AHNAK: variants seen among roughly 807,000 people sequenced by gnomAD.
AHNAK encodes the protein AHNAK nucleoprotein.
AHNAK carries 23 observed loss-of-function variants against 37.8 expected under a neutral mutation model. The observed-to-expected ratio is 0.61, with a 90% CI of 0.44 to 0.86. The LOEUF (loss-of-function observed/expected upper bound fraction) is 0.86. Among genes scored for constraint, AHNAK ranks in the 40% least tolerant of loss-of-function variants. The pLI is 0.00. For synonymous variants in AHNAK, 2,481 were observed against 2,636.3 expected (o/e 0.94, Z 1.80); for missense variants, 7,411 against 7,319.4 (o/e 1.01, Z -0.46).
intron 4 of AHNAK, among the ~76,000 whole-genome samples, chr11:62,496,991 G>C (rs899793070): frequency 6.6e-6 from 1 of 152,172 alleles, no homozygotes. Context: ...GAATTAAATG[G>C]TATAAAATAT....
Position 62,450,943 on chromosome 11 carries a change from C to T in AHNAK, c.443-17052G>A, listed in dbSNP as rs1263521366. ...GGAAGAGGCTGGACGTGGTGGCTCA[C>T]GCCTGTAATCGCGGCACTTTGGGAG... On this transcript the variant is annotated intron_variant, in intron 5 of 5. Coordinates refer to the AHNAK transcript ENST00000257247. 2.0e-5 allele frequency among the ~76,000 whole-genome samples: 3 copies of T among 152,306 alleles called. 1 individual carries two copies. Among genetic ancestry groups the T allele is most frequent in the Non-Finnish European group, 1.5e-5 (1 of 68,022 alleles).
chr11:62,492,050 T>C (rs747308610), intron 4 of AHNAK, among the ~76,000 whole-genome samples: 2 of 152,066 alleles, frequency 1.3e-5, no homozygotes, highest in Non-Finnish European at 2.9e-5. Context: ...TGGCCTAAGC[T>C]GAAGGACAGC....
chr11:62,483,292 G>T (rs1220487751), intron 5 of AHNAK, among the ~76,000 whole-genome samples: 1 of 152,208 alleles, frequency 6.6e-6, no homozygotes, highest in Non-Finnish European at 1.5e-5. Context: ...GGAGTCGGGG[G>T]CCACTCAGCC....
intron 5 of AHNAK, among the ~76,000 whole-genome samples, chr11:62,456,521 T>C (rs1403570638): frequency 6.6e-6 from 1 of 152,220 alleles, no homozygotes; most frequent in Non-Finnish European, 1.5e-5. Flanking sequence ...GATACATGAC[T>C]GAGATTTCAA....
intron 5 of AHNAK, among the ~76,000 whole-genome samples, chr11:62,442,817 G>A (rs182230354): frequency 7.4e-4 from 112 of 151,570 alleles, no homozygotes; most frequent in African/African-American, 2.3e-3. Flanking sequence ...GCAGTAAGCC[G>A]AGATTGTGCC....
intron 5 of AHNAK, among the ~76,000 whole-genome samples, chr11:62,447,389 A>T (rs1383898029): frequency 6.6e-6 from 1 of 152,096 alleles, no homozygotes; most frequent in African/African-American, 2.4e-5. Context: ...CGATCCCTCC[A>T]TCATCACCAC....
rs1940831532 is a variant in AHNAK at position 62,533,394 on chromosome 11, C to T, written c.1023G>A (p.Lys341=). 4 of 1,599,404 alleles carry T rather than the reference C, an allele frequency of 2.5e-6. No individual in the cohort carries two copies. The highest frequency in any genetic ancestry group is 1.7e-4 in the Middle Eastern group (1 of 5,978). Residue 341 remains lysine (K), a synonymous_variant, in exon 5 of 5, where the codon AAG becomes AAA. Transcript: ENST00000378024. The part of the protein sequence containing the change: ...VSAPEVSVGH[K]GGKPGLTIQA... ...GGATAGTCAAGCCTGGCTTGCCGCC[C>T]TTGTGCCCCACAGAGACTTCAGGTG... is the stretch of plus-strand genomic sequence containing the variant.
chr11:62,460,987 A>AT (rs58443970), intron 5 of AHNAK, among the ~76,000 whole-genome samples: 65,640 of 103,628 alleles, frequency 0.63, 23,206 homozygotes, highest in South Asian at 0.84. Flanking sequence ...GGCCTGGCTA[A>AT]TTTTTTTTTT....
chr11:62,487,704 C>T (rs1423614278), intron 5 of AHNAK, among the ~76,000 whole-genome samples: 3 of 152,236 alleles, frequency 2.0e-5, no homozygotes, highest in African/African-American at 7.2e-5. Flanking sequence ...TGATTTTCCA[C>T]TTATTTACCA....
In AHNAK at chr11:62,530,061, G is replaced by T. The variant is rs1940671845; in HGVS notation, c.4356C>A (p.Ser1452=). 4.3e-6 allele frequency: 7 copies of T among 1,613,828 alleles called. No homozygotes were observed. Among genetic ancestry groups the T allele is most frequent in the Non-Finnish European group, 5.9e-6 (7 of 1,179,918 alleles). The change falls in exon 5 of 5, where the codon TCC becomes TCA. Residue 1452 remains serine (S), a synonymous_variant. Transcript: ENST00000378024. ...PEMSIKPQKI[S]IPDVGLHLKG... ...TCAAATGCAAACCAACATCTGGTAT[G>T]GATATCTTCTGAGGCTTTATACTCA... is the stretch of plus-strand genomic sequence containing the variant.
chr11:62,542,833 G>A (rs1051394392), intron 1 of AHNAK, among the ~76,000 whole-genome samples: 3 of 152,198 alleles, frequency 2.0e-5, no homozygotes, highest in African/African-American at 2.4e-5. Flanking sequence ...AGAGGGGGTG[G>A]AGCAGAACGC....
chr11:62,440,953 C>T (rs1938293734), intron 5 of AHNAK, among the ~76,000 whole-genome samples: 1 of 151,956 alleles, frequency 6.6e-6, no homozygotes, highest in Non-Finnish European at 1.5e-5. Flanking sequence ...ATCTCTTGAG[C>T]TCAGGAGTTC....
chr11:62,544,527 G>A (rs1414404831), intron 1 of AHNAK, among the ~76,000 whole-genome samples: 2 of 152,102 alleles, frequency 1.3e-5, no homozygotes, highest in Non-Finnish European at 2.9e-5. Context: ...CAAACCCTGC[G>A]ACCTCTCCTA....
rs1565221075 is a variant in AHNAK at position 62,516,587 on chromosome 11, C to A, written c.*157G>T. 3 of 1,470,622 alleles carry A rather than the reference C, an allele frequency of 2.0e-6. No homozygotes were observed. Among genetic ancestry groups the A allele is most frequent in the Non-Finnish European group, 2.7e-6 (3 of 1,122,036 alleles). 91.1% of individuals were successfully genotyped at this position (1,470,622 alleles called of 1,614,324 possible). On this transcript the variant is annotated 3_prime_UTR_variant, in exon 5 of 5. Coordinates refer to ENST00000378024, the MANE Select transcript of AHNAK (RefSeq NM_001620.3). ...CTGTATAGTTCCAGGAGCCTACAGG[C>A]GGTCGGTTTTTCAGCGCTTGCCACC...
At chr11:62,509,236 T>C (rs952605533) in intron 4 of AHNAK, among the ~76,000 whole-genome samples, 2 of 148,178 alleles carry the variant, frequency 1.3e-5, no homozygotes, top group Non-Finnish European at 2.9e-5. Context: ...ATCAGTGCCA[T>C]GCATGACAAA....
At chr11:62,437,593 AG>A (rs1938202673) in intron 5 of AHNAK, among the ~76,000 whole-genome samples, 2 of 152,180 alleles carry the variant, frequency 1.3e-5, no homozygotes, top group African/African-American at 4.8e-5. Context: ...TCCTGACCTC[AG>A]GTTATCCACC....
chr11:62,492,054 G>A (rs1361726848), intron 4 of AHNAK, among the ~76,000 whole-genome samples: 4 of 152,132 alleles, frequency 2.6e-5, no homozygotes. Flanking sequence ...CTAAGCTGAA[G>A]GACAGCCCTT....
In AHNAK at chr11:62,526,214, C is replaced by T. The variant is rs924730945; in HGVS notation, c.8203G>A (p.Asp2735Asn). The change falls in exon 5 of 5, where the codon GAC becomes AAC. Residue 2735 changes from aspartate to asparagine, a missense_variant. By Grantham distance (23) the Asp-to-Asn change is conservative (BLOSUM62 1). Transcript: ENST00000378024. ...VDVSLPKVEG[D>N]LKGPEVDIKG... ...ATGTCAACTTCTGGGCCCTTGAGGT[C>T]ACCTTCCACTTTAGGAAGGGAAACA... The T allele has an allele frequency of 1.9e-6, 3 of 1,613,832 alleles. No homozygotes were observed. Among genetic ancestry groups the T allele is most frequent in the Non-Finnish European group, 2.5e-6 (3 of 1,180,016 alleles).
intron 1 of AHNAK, chr11:62,537,182 G>C (rs551944969): frequency 2.0e-5 from 3 of 152,070 alleles, no homozygotes; most frequent in Non-Finnish European, 2.9e-5. Flanking sequence ...GGATGATCTC[G>C]ATCTCCTGAC....
Sources: gnomAD v4.1 joint callset for allele counts (sites outside exome capture counted in the v4.1 genomes callset) on GRCh38, gnomAD v4.1.1 for gene constraint, MANE v1.5 for transcripts, NCBI Gene and HGNC (gene_info 2026-07-23, HGNC 2026-07-21) for gene names.